The following FOXP2 variants were observed in gnomAD, a reference collection of about 807,000 sequenced individuals.
FOXP2 encodes forkhead box protein P2.
Under a neutral mutation model 115.8 loss-of-function variants are expected in FOXP2, and 12 were observed. That is an observed-to-expected ratio of 0.10 (90% CI 0.07 to 0.17). FOXP2 has a LOEUF of 0.17. Among genes scored for constraint, FOXP2 ranks in the 10% least tolerant of loss-of-function variants. The pLI is 1.00. For missense variants in FOXP2, 629 were observed against 843.5 expected, an observed-to-expected ratio of 0.75 and a Z score of 3.15; for synonymous variants, 328 against 297.7, an observed-to-expected ratio of 1.10 and a Z score of -1.05.
intron 2 of FOXP2, among the ~76,000 whole-genome samples, chr7:114,331,538 T>C (rs552140256): frequency 7.9e-5 from 12 of 152,320 alleles, no homozygotes; most frequent in African/African-American, 2.9e-4. Context: ...TTGGATTGGC[T>C]GTGGAGGAAA....
rs892567781 is a variant in FOXP2, at chr7:114,642,984, A to T, written c.989+361A>T. On this transcript the variant is annotated intron_variant, in intron 7 of 16. Coordinates refer to ENST00000350908, the MANE Select transcript of FOXP2 (RefSeq NM_014491.4). ...CCCCCACGCCTGGCTAATTTTTTGTATTTTTTTTAGTAGAGACGGGGTTTC... is the reference window on the plus strand; with the variant it reads ...CCCCCACGCCTGGCTAATTTTTTGTTTTTTTTTTAGTAGAGACGGGGTTTC... 8.1e-5 allele frequency among the ~76,000 whole-genome samples: 12 copies of T among 148,852 alleles called. No individual in the cohort carries two copies. The East Asian group carries it at 2.4e-3, about 30-fold the overall frequency.
At chr7:114,096,306 G>A (rs922593943) in intron 1 of FOXP2, among the ~76,000 whole-genome samples, 3 of 152,160 alleles carry the variant, frequency 2.0e-5, no homozygotes, top group African/African-American at 7.2e-5. Context: ...GACTAAAAAT[G>A]AAATTAACTC....
At chr7:114,429,390 A>C (rs925314442) in intron 2 of FOXP2, among the ~76,000 whole-genome samples, 1 of 151,620 alleles carries the variant, frequency 6.6e-6, no homozygotes, top group Admixed American at 6.6e-5. Context: ...TTAGTTTAAA[A>C]AAAAGCCTTT....
At chr7:114,581,075 GCACACACACACA>G (rs3028257) in intron 3 of FOXP2, among the ~76,000 whole-genome samples, 1 of 144,662 alleles carries the variant, frequency 6.9e-6, no homozygotes, top group Non-Finnish European at 1.5e-5. Flanking sequence ...ATAAACACAT[GCACACACACACA>G]CACACACACA....
At position 114,095,736 on chromosome 7, in the gene FOXP2, C is replaced by T. The variant is rs10232421; in HGVS notation, c.-247+7898C>T. Among the ~76,000 whole-genome samples the T allele has an allele frequency of 1.6e-3, 250 of 152,238 alleles. 1 individual carries two copies. Among genetic ancestry groups the T allele is most frequent in the African/African-American group, 5.7e-3 (235 of 41,532 alleles). On this transcript the variant is annotated intron_variant, in intron 1 of 19. Transcript: ENST00000635638. The stretch of plus-strand genomic sequence containing the variant: ...ATATTTAGCTGTTGGTGGCACCAGT[C>T]GAGAAATCAAGTGGGGAGTGGATAA...
At chr7:114,256,497 T>C (rs1403489056) in intron 1 of FOXP2, among the ~76,000 whole-genome samples, 2 of 152,226 alleles carry the variant, frequency 1.3e-5, no homozygotes, top group Non-Finnish European at 2.9e-5. Flanking sequence ...CAAAAATGTC[T>C]TCTTTTGAGA....
rs529647793 is a variant in FOXP2 at position 114,197,968 on chromosome 7, G to A, written c.-102+34880G>A. 2.6e-5 allele frequency among the ~76,000 whole-genome samples: 4 copies of A among 151,716 alleles called. No individual in the cohort carries two copies. The East Asian group carries it at 5.9e-4, about 22-fold the overall frequency. On this transcript the variant is annotated intron_variant, in intron 1 of 17. Coordinates refer to the FOXP2 transcript ENST00000634411. ...CAACCTCTGCCTCTTGGTTTCAAGC[G>A]ATCCTCCCACCTCAGCACCCCAGGT...
At chr7:114,152,168 C>T (rs1792545111) in intron 1 of FOXP2, among the ~76,000 whole-genome samples, 2 of 152,074 alleles carry the variant, frequency 1.3e-5, no homozygotes, top group African/African-American at 2.4e-5. Flanking sequence ...AATTAAAATA[C>T]AGTATCTGGT....
At chr7:114,444,277 GAC>G (rs1175187361) in intron 2 of FOXP2, among the ~76,000 whole-genome samples, 3 of 151,992 alleles carry the variant, frequency 2.0e-5, no homozygotes, top group African/African-American at 7.2e-5. Context: ...ATCTCACCAA[GAC>G]ACAGACAAAG....
At chr7:114,283,577 A>G (rs1584606427) in intron 1 of FOXP2, among the ~76,000 whole-genome samples, 1 of 152,162 alleles carries the variant, frequency 6.6e-6, no homozygotes, top group African/African-American at 2.4e-5. Context: ...TAGAGTAGAA[A>G]ATATTAACAA....
intron 2 of FOXP2, among the ~76,000 whole-genome samples, chr7:114,500,431 A>G (rs1023486074): frequency 3.3e-5 from 5 of 151,884 alleles, no homozygotes; most frequent in Admixed American, 3.3e-4. Context: ...TTAAAATTGT[A>G]TATTTACTTT....
intron 2 of FOXP2, among the ~76,000 whole-genome samples, chr7:114,436,659 A>G (rs1000663420): frequency 2.0e-5 from 3 of 151,814 alleles, no homozygotes; most frequent in African/African-American, 4.8e-5. Context: ...ATGGACACCA[A>G]TCTAGCAGGG....
intron 1 of FOXP2, among the ~76,000 whole-genome samples, chr7:114,097,404 G>A (rs2129140088): frequency 6.6e-6 from 1 of 152,282 alleles, no homozygotes; most frequent in Non-Finnish European, 1.5e-5. Flanking sequence ...TTGGAGTCAT[G>A]CCTGTGTCAC....
At chr7:114,504,957 A>G (rs1797740849) in intron 2 of FOXP2, among the ~76,000 whole-genome samples, 1 of 151,600 alleles carries the variant, frequency 6.6e-6, no homozygotes, top group Non-Finnish European at 1.5e-5. Context: ...TCCAGACACA[A>G]TTAGTTTGAC....
chr7:114,483,508 A>G (rs1443471318), intron 2 of FOXP2, among the ~76,000 whole-genome samples: 2 of 151,816 alleles, frequency 1.3e-5, no homozygotes, highest in East Asian at 3.9e-4. Flanking sequence ...ACCCAATGTC[A>G]GGTATTCTCT....
intron 1 of FOXP2, among the ~76,000 whole-genome samples, chr7:114,416,682 G>A (rs1224778824): frequency 1.3e-5 from 2 of 151,794 alleles, no homozygotes; most frequent in African/African-American, 4.8e-5. Flanking sequence ...GATTCATAAT[G>A]CCCTTTTAAA....
intron 2 of FOXP2, among the ~76,000 whole-genome samples, chr7:114,449,702 A>G (rs1794989562): frequency 6.6e-6 from 1 of 152,140 alleles, no homozygotes; most frequent in Non-Finnish European, 1.5e-5. Context: ...AATTCACTTC[A>G]GCTACCTAGG....
chr7:114,355,452 G>T (rs1791597539), intron 2 of FOXP2, among the ~76,000 whole-genome samples: 1 of 152,110 alleles, frequency 6.6e-6, no homozygotes, highest in Admixed American at 6.6e-5. Flanking sequence ...TAGAAATAAA[G>T]AATTCACTTA....
At chr7:114,553,155 A>G (rs1411385210) in intron 3 of FOXP2, among the ~76,000 whole-genome samples, 2 of 152,162 alleles carry the variant, frequency 1.3e-5, no homozygotes, top group Non-Finnish European at 2.9e-5. Flanking sequence ...TCAAACAAAC[A>G]TCAGTGAGTT....
Sources: allele counts gnomAD v4.1 joint callset (sites outside exome capture counted in the v4.1 genomes callset), GRCh38; gene constraint gnomAD v4.1.1; transcripts MANE v1.5; gene names NCBI Gene and HGNC (gene_info 2026-07-23, HGNC 2026-07-21).